The following MYO3B variants were observed in gnomAD, a reference collection of about 807,000 sequenced individuals.
MYO3B encodes the protein myosin-IIIb.
In MYO3B, 156 loss-of-function variants were observed where a neutral mutation model predicts 174.6. The observed-to-expected ratio is 0.89, with a 90% CI of 0.78 to 1.02. The LOEUF (loss-of-function observed/expected upper bound fraction) is 1.02. MYO3B is among the 50% of genes least tolerant of loss of function. The pLI, the probability that MYO3B is intolerant of heterozygous loss-of-function variation, is 0.00. For missense variants in MYO3B, 1,632 were observed against 1,639.4 expected, an observed-to-expected ratio of 1.00 and a Z score of 0.08; for synonymous variants, 563 against 569.1, an observed-to-expected ratio of 0.99 and a Z score of 0.15.
At chr2:170,387,012 C>G (rs914543994) in intron 13 of MYO3B, 94 bp from the exon 14 acceptor site, 1 of 1,222,660 alleles carries the variant, frequency 8.2e-7, no homozygotes, top group Non-Finnish European at 1.2e-6. Context: ...GTAAAAAGAC[C>G]ATGTGGATTT....
At chr2:170,437,834 C>CT (rs2094766415) in intron 22 of MYO3B, among the ~76,000 whole-genome samples, 2 of 152,142 alleles carry the variant, frequency 1.3e-5, no homozygotes, top group South Asian at 4.1e-4. Context: ...GCTCTATCGT[C>CT]TAACTTCTTT....
intron 7 of MYO3B, among the ~76,000 whole-genome samples, chr2:170,257,140 T>C (rs2105342544): frequency 1.3e-5 from 2 of 152,142 alleles, no homozygotes; most frequent in South Asian, 4.2e-4. Context: ...TTAGACACAA[T>C]AATAGCGGGG....
chr2:170,476,943 A>G (rs910252617), intron 25 of MYO3B, among the ~76,000 whole-genome samples: 2 of 152,118 alleles, frequency 1.3e-5, no homozygotes, highest in African/African-American at 4.8e-5. Context: ...AGACACAGAC[A>G]TGGCTTTTGT....
At chr2:170,323,285 C>T (rs749964908) in intron 7 of MYO3B, among the ~76,000 whole-genome samples, 3 of 152,214 alleles carry the variant, frequency 2.0e-5, no homozygotes, top group Non-Finnish European at 4.4e-5. Flanking sequence ...TCAGCTCATA[C>T]TCTATCGCTG....
At chr2:170,613,192 T>C (rs1056867715) in intron 32 of MYO3B, among the ~76,000 whole-genome samples, 2 of 152,194 alleles carry the variant, frequency 1.3e-5, no homozygotes, top group Non-Finnish European at 2.9e-5. Context: ...CTCTCAGCAA[T>C]GACTTTTCAG....
At chr2:170,400,022 T>C (rs767189571) in intron 16 of MYO3B, among the ~76,000 whole-genome samples, 166 bp from the exon 17 acceptor site, 3 of 152,186 alleles carry the variant, frequency 2.0e-5, no homozygotes, top group Non-Finnish European at 4.4e-5. Context: ...AATGTAGTTA[T>C]ATGACGACCT....
intron 8 of MYO3B, among the ~76,000 whole-genome samples, chr2:170,366,302 T>C (rs2105668930): frequency 6.6e-6 from 1 of 152,176 alleles, no homozygotes; most frequent in Middle Eastern, 3.4e-3. Flanking sequence ...TTTGTTTGTT[T>C]TTTGTTTTTG....
chr2:170,207,537 G>A (rs1302906853), intron 3 of MYO3B, among the ~76,000 whole-genome samples: 1 of 152,016 alleles, frequency 6.6e-6, no homozygotes, highest in Non-Finnish European at 1.5e-5. Context: ...CCCTTCCCCT[G>A]AGCGCAATCC....
intron 28 of MYO3B, among the ~76,000 whole-genome samples, chr2:170,514,610 CT>C (rs1688183935): frequency 1.3e-5 from 2 of 152,324 alleles, no homozygotes; most frequent in South Asian, 4.1e-4. Context: ...GTGTTTGTCA[CT>C]GAGTTTCCCT....
intron 24 of MYO3B, among the ~76,000 whole-genome samples, chr2:170,463,648 T>C (rs1684443641): frequency 6.6e-6 from 1 of 152,226 alleles, no homozygotes; most frequent in Non-Finnish European, 1.5e-5. Context: ...TCTGTTAGCA[T>C]ATGAGCTGCT....
At chr2:170,320,176 A>C (rs1316577638) in intron 7 of MYO3B, among the ~76,000 whole-genome samples, 3 of 152,040 alleles carry the variant, frequency 2.0e-5, no homozygotes, top group Non-Finnish European at 2.9e-5. Context: ...AGTAGCTGGG[A>C]CTACAAGCAT....
chr2:170,589,109 A>G (rs1693665868), intron 32 of MYO3B, among the ~76,000 whole-genome samples: 1 of 152,170 alleles, frequency 6.6e-6, no homozygotes, highest in Non-Finnish European at 1.5e-5. Context: ...AAACTACAGG[A>G]GAAGATGAAA....
chr2:170,646,172 G>T (rs574143379), intron 32 of MYO3B, among the ~76,000 whole-genome samples: 1 of 151,926 alleles, frequency 6.6e-6, no homozygotes, highest in South Asian at 2.1e-4. Context: ...TAGGGAGGCT[G>T]AGGAAGGAGA....
At chr2:170,632,903 C>T (rs185750668) in intron 32 of MYO3B, among the ~76,000 whole-genome samples, 13 of 131,970 alleles carry the variant, frequency 9.9e-5, no homozygotes, top group African/African-American at 2.2e-4. Flanking sequence ...ATAAATTCCT[C>T]GACACTTATA....
intron 25 of MYO3B, among the ~76,000 whole-genome samples, chr2:170,492,017 T>C (rs1050316349): frequency 5.3e-5 from 8 of 150,278 alleles, no homozygotes; most frequent in African/African-American, 2.0e-4. Context: ...CTCACCATTG[T>C]ACTTCAGCCT....
chr2:170,227,456 T>G (rs2092964204), intron 6 of MYO3B, among the ~76,000 whole-genome samples: 1 of 93,698 alleles, frequency 1.1e-5, no homozygotes, highest in Non-Finnish European at 2.1e-5. Context: ...CGCTAATTTT[T>G]GTATTTTTAG....
At chr2:170,392,329 C>A in intron 15 of MYO3B, 52 bp from the exon 16 acceptor site, 2 of 1,300,768 alleles carry the variant, frequency 1.5e-6, no homozygotes, top group Non-Finnish European at 1.1e-6. Flanking sequence ...AATGCCTGTA[C>A]TACTTTCCAA....
chr2:170,583,881 T>C (rs1693321959), intron 32 of MYO3B, among the ~76,000 whole-genome samples: 1 of 152,174 alleles, frequency 6.6e-6, no homozygotes, highest in African/African-American at 2.4e-5. Context: ...GAAGATGTGA[T>C]TTTCCATATG....
At chr2:170,390,011 T>TG (rs35919907) in intron 14 of MYO3B, among the ~76,000 whole-genome samples, 40,107 of 152,098 alleles carry the variant, frequency 0.26, 5,669 homozygotes, top group Non-Finnish European at 0.33. Flanking sequence ...CCTGTATCCC[T>TG]GGCACCTGGT....
Sources: gnomAD v4.1 joint callset for allele counts (sites outside exome capture counted in the v4.1 genomes callset) on GRCh38, gnomAD v4.1.1 for gene constraint, MANE v1.5 for transcripts, NCBI Gene and HGNC (gene_info 2026-07-23, HGNC 2026-07-21) for gene names.